Variants in DAPK1 observed in about 807,000 individuals in gnomAD.
DAPK1 encodes death-associated protein kinase 1.
In DAPK1, 56 loss-of-function variants were observed where a neutral mutation model predicts 144.9. The ratio of observed to expected loss-of-function variants is 0.39; its 90% CI spans 0.31 to 0.48. The LOEUF (loss-of-function observed/expected upper bound fraction) is 0.48, where lower values mean the gene tolerates loss of function less well. DAPK1 is among the 20% of genes least tolerant of loss of function. The pLI is 0.95. For missense variants in DAPK1, 1,454 were observed against 1,875.4 expected (o/e 0.78, Z 4.15); for synonymous variants, 690 against 749.0 (o/e 0.92, Z 1.29).
intron 2 of DAPK1, among the ~76,000 whole-genome samples, chr9:87,570,851 T>C (rs1273217011): frequency 6.6e-6 from 1 of 152,196 alleles, no homozygotes; most frequent in East Asian, 1.9e-4. Context: ...CAGAGATTTT[T>C]TTCTTCCCAT....
At chr9:87,643,013 T>G (rs1830148220) in intron 10 of DAPK1, among the ~76,000 whole-genome samples, 1 of 152,066 alleles carries the variant, frequency 6.6e-6, no homozygotes, top group South Asian at 2.1e-4. Context: ...AGTCTGTGCT[T>G]CTCTGAGGGT....
intron 2 of DAPK1, among the ~76,000 whole-genome samples, chr9:87,553,009 C>CA (rs1293088283): frequency 2.0e-5 from 3 of 152,150 alleles, no homozygotes; most frequent in Non-Finnish European, 2.9e-5. Flanking sequence ...TTCGTCATCC[C>CA]AAGCTGAAAC....
chr9:87,531,162 A>G (rs1194310312), intron 2 of DAPK1, among the ~76,000 whole-genome samples: 2 of 152,154 alleles, frequency 1.3e-5, no homozygotes, highest in Non-Finnish European at 2.9e-5. Flanking sequence ...GCATTGTTGC[A>G]CGCAGTGGGC....
intron 17 of DAPK1, among the ~76,000 whole-genome samples, chr9:87,652,698 C>G (rs1267446093): frequency 2.1e-5 from 3 of 144,908 alleles, no homozygotes; most frequent in Non-Finnish European, 4.5e-5. Context: ...GTCCTCTCAC[C>G]TGATCCCAGG....
intron 17 of DAPK1, among the ~76,000 whole-genome samples, chr9:87,652,269 C>G (rs1401977093): frequency 1.5e-4 from 21 of 137,908 alleles, no homozygotes; most frequent in African/African-American, 5.1e-4. Flanking sequence ...GTCCATCCCC[C>G]CGATCCCGGG....
At chr9:87,555,471 T>C (rs10868626) in intron 2 of DAPK1, among the ~76,000 whole-genome samples, 51,353 of 152,024 alleles carry the variant, frequency 0.34, 8,949 homozygotes, top group Middle Eastern at 0.51. Context: ...CAAAGTGAAA[T>C]TTATTTATCA....
chr9:87,618,547 G>T (rs565327926), intron 3 of DAPK1, among the ~76,000 whole-genome samples: 70 of 152,312 alleles, frequency 4.6e-4, no homozygotes, highest in Middle Eastern at 3.4e-3. Context: ...CTCAGCTAGT[G>T]AACAAAATAT....
At chr9:87,565,823 T>C (rs1395782431) in intron 2 of DAPK1, among the ~76,000 whole-genome samples, 7 of 152,208 alleles carry the variant, frequency 4.6e-5, no homozygotes, top group Admixed American at 4.6e-4. Flanking sequence ...CTTTACCATA[T>C]GGCAGGCACT....
intron 3 of DAPK1, among the ~76,000 whole-genome samples, chr9:87,630,910 T>C (rs750444724): frequency 6.6e-6 from 1 of 152,180 alleles, no homozygotes; most frequent in Non-Finnish European, 1.5e-5. Flanking sequence ...AAATTATTGT[T>C]GTGTGCACTA....
rs1393464199 is a variant in DAPK1, at chr9:87,646,003, C to A, written c.1120C>A (p.Gln374Lys). 1.2e-6 allele frequency: 2 copies of A among 1,613,828 alleles called. No homozygotes were observed. The highest frequency in any genetic ancestry group is 2.7e-5 in the African/African-American group (2 of 74,900). The change falls in exon 12 of 26, where the codon CAA becomes AAA. Residue 374 changes from glutamine (Q) to lysine (K), a missense_variant. Around this residue, in one of 2 missense-constraint regions of DAPK1, gnomAD observed 429 missense variants for 637.5 expected, o/e 0.67. Transcript: ENST00000408954. ...LGSLSNYDVN[Q>K]PNKHGTPPLL... ...CTCATTATCCAACTATGATGTTAAC[C>A]AACCCAACAAGGTCTGGTTCTGTTC... is the stretch of plus-strand genomic sequence containing the variant.
chr9:87,510,146 T>C (rs936385867), intron 2 of DAPK1, among the ~76,000 whole-genome samples: 2 of 152,220 alleles, frequency 1.3e-5, no homozygotes, highest in Non-Finnish European at 2.9e-5. Context: ...GTTGTCAGTC[T>C]GTGCGTTCCT....
intron 18 of DAPK1, among the ~76,000 whole-genome samples, chr9:87,666,296 G>A (rs1471320330): frequency 6.6e-6 from 1 of 152,102 alleles, no homozygotes; most frequent in African/African-American, 2.4e-5. Flanking sequence ...AGCCGGTGAG[G>A]GGTGGGTTCA....
intron 2 of DAPK1, among the ~76,000 whole-genome samples, chr9:87,601,260 T>C (rs1828504398): frequency 6.6e-6 from 1 of 152,230 alleles, no homozygotes; most frequent in Non-Finnish European, 1.5e-5. Context: ...CTGAGGAGAC[T>C]GTGCTATGGA....
chr9:87,498,004 C>A lies in DAPK1; in HGVS notation c.-212C>A. The A allele has an allele frequency of 5.0e-6, 2 of 397,686 alleles. No homozygotes were observed. The highest frequency in any genetic ancestry group is 2.7e-4 in the South Asian group (2 of 7,496). The allele number at this position is 397,686 out of a possible 1,614,324, so 24.6% of individuals were successfully genotyped here. A position where few individuals can be genotyped will look rare whatever the true frequency, so the allele number is the denominator to read the frequency against. On this transcript the variant is annotated 5_prime_UTR_variant, in exon 1 of 26. Coordinates refer to ENST00000408954, the MANE Select transcript of DAPK1 (RefSeq NM_004938.4). ...GGGATCTGCGCCCCCCACTCACTCCCTAGCTGTGTTCCCGCCGCCGCCCCG... is the reference window on the plus strand; with the variant it reads ...GGGATCTGCGCCCCCCACTCACTCCATAGCTGTGTTCCCGCCGCCGCCCCG...
chr9:87,531,014 G>C (rs1173802244), intron 2 of DAPK1, among the ~76,000 whole-genome samples: 1 of 152,194 alleles, frequency 6.6e-6, no homozygotes, highest in Non-Finnish European at 1.5e-5. Flanking sequence ...TTCAGGAAAT[G>C]CTTACCCTTT....
chr9:87,575,042 A>G (rs188040837), intron 2 of DAPK1, among the ~76,000 whole-genome samples: 277 of 151,780 alleles, frequency 1.8e-3, no homozygotes, highest in African/African-American at 6.3e-3. Flanking sequence ...ATATGGTGAA[A>G]CCCCATCTCT....
intron 2 of DAPK1, among the ~76,000 whole-genome samples, chr9:87,582,841 C>A (rs962597121): frequency 6.6e-6 from 1 of 152,058 alleles, no homozygotes; most frequent in Non-Finnish European, 1.5e-5. Flanking sequence ...GCATGAGCCA[C>A]CGCGCCCAGC....
At chr9:87,586,631 A>G (rs1304091448) in intron 2 of DAPK1, among the ~76,000 whole-genome samples, 6 of 152,210 alleles carry the variant, frequency 3.9e-5, no homozygotes, top group Non-Finnish European at 8.8e-5. Context: ...CTAAGTTTTC[A>G]TAGATTTTAT....
At chr9:87,498,316 C>A (rs1824259381) in intron 1 of DAPK1, among the ~76,000 whole-genome samples, 3 of 152,192 alleles carry the variant, frequency 2.0e-5, no homozygotes, top group African/African-American at 7.2e-5. Context: ...GTGGCGCCGG[C>A]CCGACCAGGC....
Sources: allele counts gnomAD v4.1 joint callset (sites outside exome capture counted in the v4.1 genomes callset), GRCh38; gene constraint gnomAD v4.1.1; regional missense constraint gnomAD v4.1.1; transcripts MANE v1.5; gene names NCBI Gene and HGNC (gene_info 2026-07-23, HGNC 2026-07-21).